Variants in MTREX observed in about 807,000 individuals in gnomAD.
MTREX encodes the protein Mtr4 exosome RNA helicase.
A neutral mutation model predicts 135.4 loss-of-function variants in MTREX; 76 were observed. The ratio of observed to expected loss-of-function variants is 0.56; its 90% CI spans 0.47 to 0.68. MTREX has a LOEUF of 0.68. Ranked by LOEUF, MTREX falls within the 30% of genes least tolerant of loss-of-function variation. MTREX has a pLI of 0.00. For synonymous variants in MTREX, 404 were observed against 401.6 expected, an observed-to-expected ratio of 1.01 and a Z score of -0.07; for missense variants, 920 against 1,262.1, an observed-to-expected ratio of 0.73 and a Z score of 4.11.
At chr5:55,308,683 G>T (rs1171415532) in intron 1 of MTREX, among the ~76,000 whole-genome samples, 1 of 152,106 alleles carries the variant, frequency 6.6e-6, no homozygotes, top group African/African-American at 2.4e-5. Flanking sequence ...TGGTTAGCTA[G>T]CTATCACTAA....
chr5:55,320,418 C>A (rs140777971), intron 1 of MTREX, among the ~76,000 whole-genome samples: 2 of 151,990 alleles, frequency 1.3e-5, no homozygotes, highest in South Asian at 4.1e-4. Context: ...GGGGTTTCAC[C>A]GTGTTAGCCA....
At chr5:55,337,790 G>GTT (rs143867703) in intron 5 of MTREX, among the ~76,000 whole-genome samples, 19,972 of 146,600 alleles carry the variant, frequency 0.14, 1,633 homozygotes, top group East Asian at 0.27. Context: ...TATTTCTCAT[G>GTT]TTTTTTTTTT....
chr5:55,353,586 G>A (rs201133843), intron 14 of MTREX, among the ~76,000 whole-genome samples: 10 of 152,218 alleles, frequency 6.6e-5, no homozygotes, highest in South Asian at 6.2e-4. Flanking sequence ...ACCTGTAGTC[G>A]CAGCTACTTG....
At chr5:55,424,113 A>ATAAT (rs1751105115) in intron 26 of MTREX, 1 of 151,976 alleles carries the variant, frequency 6.6e-6, no homozygotes, top group Non-Finnish European at 1.5e-5. Flanking sequence ...GTCCTTCCCT[A>ATAAT]TAATTTTTTT....
At chr5:55,389,044 A>G (rs1338376793) in intron 19 of MTREX, among the ~76,000 whole-genome samples, 1 of 152,228 alleles carries the variant, frequency 6.6e-6, no homozygotes, top group Non-Finnish European at 1.5e-5. Context: ...TTTTTAAATG[A>G]CGATTTAAAT....
intron 16 of MTREX, among the ~76,000 whole-genome samples, chr5:55,373,223 C>T (rs907799404): frequency 4.0e-5 from 6 of 149,294 alleles, no homozygotes; most frequent in African/African-American, 1.5e-4. Flanking sequence ...AAAGGGGATT[C>T]TGTATTATGT....
chr5:55,393,402 G>A (rs995349040), intron 19 of MTREX, among the ~76,000 whole-genome samples: 1 of 152,146 alleles, frequency 6.6e-6, no homozygotes, highest in Non-Finnish European at 1.5e-5. Context: ...TAGCACATTG[G>A]TTAAAATAAC....
intron 1 of MTREX, among the ~76,000 whole-genome samples, chr5:55,321,645 G>C (rs1000204665): frequency 2.9e-5 from 3 of 102,920 alleles, no homozygotes; most frequent in African/African-American, 1.2e-4. Flanking sequence ...GTCTTGCTTT[G>C]TCTCCTAGGC....
At position 55,400,232 on chromosome 5, in the gene MTREX, G is replaced by T; in HGVS notation, c.2293-1G>T. 6.5e-7 allele frequency: 1 copy of T among 1,542,608 alleles called. No homozygotes were observed. Among genetic ancestry groups the T allele is most frequent in the Non-Finnish European group, 8.8e-7 (1 of 1,142,268 alleles). On this transcript the variant is annotated splice_acceptor_variant, in intron 20 of 26. Coordinates refer to ENST00000230640, the MANE Select transcript of MTREX (RefSeq NM_015360.5). LOFTEE classifies it high-confidence loss of function. ...AAATGAATTTTACATATTTTTTTCA[G>T]GAAGTTCAGAAACGTTTTCCTGACG...
At chr5:55,411,423 G>A (rs1188968733) in intron 23 of MTREX, among the ~76,000 whole-genome samples, 2 of 152,080 alleles carry the variant, frequency 1.3e-5, no homozygotes, top group African/African-American at 4.8e-5. Context: ...AGTAAATTGT[G>A]TAGAACAAAT....
chr5:55,406,070 G>C (rs1024610025), intron 22 of MTREX, among the ~76,000 whole-genome samples: 5 of 151,982 alleles, frequency 3.3e-5, no homozygotes, highest in African/African-American at 1.2e-4. Context: ...ATGAGATTTT[G>C]GGCTAATAAT....
intron 4 of MTREX, 138 bp from the exon 5 acceptor site, chr5:55,328,561 G>A: frequency 1.7e-6 from 1 of 573,622 alleles, no homozygotes; most frequent in Admixed American, 3.1e-5. Context: ...TCACTAATGT[G>A]TAGTATATTT....
At chr5:55,407,430 C>T (rs1357446103) in intron 22 of MTREX, among the ~76,000 whole-genome samples, 4 of 152,128 alleles carry the variant, frequency 2.6e-5, no homozygotes. Flanking sequence ...ACCTGTTTTA[C>T]AATTAATATA....
At chr5:55,378,288 A>AT in intron 16 of MTREX, 26 bp from the exon 17 acceptor site, 3 of 1,553,842 alleles carry the variant, frequency 1.9e-6, no homozygotes, top group Non-Finnish European at 2.6e-6. Context: ...TAACCTTTTA[A>AT]TTTTGTACAT....
chr5:55,349,780 C>T (rs926428197), intron 12 of MTREX, 128 bp downstream of exon 12: 2 of 536,104 alleles, frequency 3.7e-6, no homozygotes, highest in Non-Finnish European at 6.7e-6. Flanking sequence ...GTGATATGCC[C>T]TTAATGATAC....
intron 23 of MTREX, among the ~76,000 whole-genome samples, chr5:55,412,384 C>G (rs771151983): frequency 3.9e-5 from 6 of 152,088 alleles, no homozygotes; most frequent in Non-Finnish European, 7.3e-5. Context: ...ATATAAAGAT[C>G]AAGTGCATAC....
intron 16 of MTREX, among the ~76,000 whole-genome samples, chr5:55,374,089 C>T (rs2112094107): frequency 6.6e-6 from 1 of 152,002 alleles, no homozygotes; most frequent in Middle Eastern, 3.4e-3. Context: ...GAAACCCTGT[C>T]TCTACTAAAA....
chr5:55,308,318 G>A (rs530589027), intron 1 of MTREX, among the ~76,000 whole-genome samples, 171 bp downstream of exon 1: 17 of 152,180 alleles, frequency 1.1e-4, no homozygotes, highest in African/African-American at 3.4e-4. Flanking sequence ...GTTCGTGGAA[G>A]GGGGGTCTTG....
chr5:55,372,379 C>G (rs141428399), intron 16 of MTREX, among the ~76,000 whole-genome samples: 92 of 152,134 alleles, frequency 6.0e-4, no homozygotes, highest in African/African-American at 2.0e-3. Flanking sequence ...GCTCTAGGAA[C>G]AGTCTGTGAA....
Sources: gnomAD v4.1 joint callset for allele counts (sites outside exome capture counted in the v4.1 genomes callset) on GRCh38, gnomAD v4.1.1 for gene constraint, MANE v1.5 for transcripts, NCBI Gene and HGNC (gene_info 2026-07-23, HGNC 2026-07-21) for gene names.